The following TRPM3 variants were observed in gnomAD, a reference collection of about 807,000 sequenced individuals.
The protein encoded by TRPM3 is long transient receptor potential channel 3.
TRPM3 carries 77 observed loss-of-function variants against 181.2 expected under a neutral mutation model. The ratio of observed to expected loss-of-function variants is 0.42; its 90% confidence interval spans 0.35 to 0.51. TRPM3 has a LOEUF of 0.51. TRPM3 is among the 20% of genes least tolerant of loss of function. The pLI is 0.01. For missense variants in TRPM3, 1,759 were observed against 2,196.7 expected, an observed-to-expected ratio of 0.80 and a Z score of 3.98; for synonymous variants, 745 against 796.4, an observed-to-expected ratio of 0.94 and a Z score of 1.09.
intron 1 of TRPM3, among the ~76,000 whole-genome samples, chr9:71,190,144 C>A (rs536564099): frequency 8.0e-4 from 122 of 151,932 alleles, no homozygotes; most frequent in Non-Finnish European, 1.5e-3. Flanking sequence ...GTGGTGTTGA[C>A]AGCTTAATAT....
intron 1 of TRPM3, among the ~76,000 whole-genome samples, chr9:71,371,225 C>G (rs1247128322): frequency 6.6e-6 from 1 of 152,136 alleles, no homozygotes; most frequent in Non-Finnish European, 1.5e-5. Flanking sequence ...TCTTCACTTT[C>G]AAATCTTATT....
Position 70,536,134 on chromosome 9 carries a change from G to A in TRPM3, c.4979C>T (p.Ala1660Val), listed in dbSNP as rs1244867044. The A allele has an allele frequency of 6.2e-7, 1 of 1,614,202 alleles. No homozygotes were observed. ...GATGGAGAAGCTCTTCCTGGTGTGT[G>A]CATATGGCGCACTTGGCTCCTCTGC... ...YSAEEPSAPY[A>V]HTRKSFSISD... Residue 1660 changes from alanine to valine, a missense_variant, in exon 26 of 26, where the codon GCA (alanine) becomes GTA (valine). Physicochemically the swap from Ala to Val is moderately conservative, Grantham distance 64. This residue lies in a region of TRPM3 where 612 missense variants were observed against 590.0 expected (regional missense o/e 1.04). Transcript: ENST00000677713.
At chr9:71,322,347 C>T (rs117011843) in intron 1 of TRPM3, among the ~76,000 whole-genome samples, 4 of 152,162 alleles carry the variant, frequency 2.6e-5, no homozygotes, top group Non-Finnish European at 2.9e-5. Flanking sequence ...TTCATCCAGA[C>T]GATGATACCA....
chr9:71,215,472 G>GGAT (rs1191044081), intron 1 of TRPM3, among the ~76,000 whole-genome samples: 2 of 152,156 alleles, frequency 1.3e-5, no homozygotes, highest in African/African-American at 4.8e-5. Flanking sequence ...AGGATCCATT[G>GGAT]GATGGATTAC....
intron 1 of TRPM3, among the ~76,000 whole-genome samples, chr9:71,040,565 C>T (rs1057085674): frequency 1.3e-5 from 2 of 152,152 alleles, no homozygotes; most frequent in Non-Finnish European, 2.9e-5. Flanking sequence ...GAATTAAAAA[C>T]ATCAGCATTT....
At chr9:71,224,927 A>C (rs2080491979) in intron 1 of TRPM3, among the ~76,000 whole-genome samples, 1 of 152,194 alleles carries the variant, frequency 6.6e-6, no homozygotes, top group Non-Finnish European at 1.5e-5. Flanking sequence ...CAGAGGAGAC[A>C]AAAGAAAAAA....
intron 1 of TRPM3, among the ~76,000 whole-genome samples, chr9:70,868,706 A>G (rs2095712774): frequency 1.3e-5 from 2 of 152,002 alleles, no homozygotes; most frequent in African/African-American, 4.8e-5. Flanking sequence ...AACCACTCAG[A>G]CCAGTATTTG....
intron 3 of TRPM3, among the ~76,000 whole-genome samples, chr9:70,857,039 T>C (rs1183925417): frequency 1.3e-5 from 2 of 152,188 alleles, no homozygotes; most frequent in Admixed American, 1.3e-4. Context: ...GTCCATCTTC[T>C]TGTTGCTCTG....
chr9:71,253,451 A>G (rs2082477504), intron 1 of TRPM3, among the ~76,000 whole-genome samples: 1 of 152,198 alleles, frequency 6.6e-6, no homozygotes, highest in Admixed American at 6.5e-5. Context: ...GCTGCTAACC[A>G]TCATAACACC....
intron 16 of TRPM3, among the ~76,000 whole-genome samples, chr9:70,619,673 C>A (rs1221058401): frequency 1.3e-5 from 2 of 151,960 alleles, no homozygotes; most frequent in African/African-American, 4.8e-5. Flanking sequence ...CCTCAGCCTC[C>A]CAAAGTGCTG....
intron 1 of TRPM3, among the ~76,000 whole-genome samples, chr9:71,361,323 C>A (rs2132726764): frequency 6.6e-6 from 1 of 152,266 alleles, no homozygotes; most frequent in Non-Finnish European, 1.5e-5. Context: ...CACTAAATAC[C>A]TCTCTGTGCT....
At chr9:71,197,087 T>C (rs1280577695) in intron 1 of TRPM3, among the ~76,000 whole-genome samples, 1 of 152,190 alleles carries the variant, frequency 6.6e-6, no homozygotes, top group Non-Finnish European at 1.5e-5. Flanking sequence ...GTTCTCATTG[T>C]TCAATTCCCA....
chr9:71,378,163 G>A (rs1199958126), intron 1 of TRPM3, among the ~76,000 whole-genome samples: 1 of 151,924 alleles, frequency 6.6e-6, no homozygotes, highest in Non-Finnish European at 1.5e-5. Flanking sequence ...TTTGAAACAG[G>A]CACTTTGAAA....
intron 1 of TRPM3, among the ~76,000 whole-genome samples, chr9:71,007,640 T>C (rs950926849): frequency 6.6e-6 from 1 of 152,078 alleles, no homozygotes; most frequent in East Asian, 1.9e-4. Context: ...CTGAAGAAAT[T>C]TAATAGTAAA....
intron 1 of TRPM3, among the ~76,000 whole-genome samples, chr9:70,978,009 G>A (rs2097323747): frequency 6.6e-6 from 1 of 152,148 alleles, no homozygotes; most frequent in Non-Finnish European, 1.5e-5. Context: ...CCCCTCCCCA[G>A]AGGTTGAGGA....
chr9:71,152,645 C>A (rs2075792805), intron 1 of TRPM3, among the ~76,000 whole-genome samples: 1 of 152,144 alleles, frequency 6.6e-6, no homozygotes. Context: ...CCTAGCCTTA[C>A]TGCTGCCTAA....
At chr9:70,604,896 T>C (rs2060730947) in intron 19 of TRPM3, among the ~76,000 whole-genome samples, 1 of 150,744 alleles carries the variant, frequency 6.6e-6, no homozygotes, top group South Asian at 2.1e-4. Flanking sequence ...GATCCTCCTA[T>C]CTATCTTGGC....
chr9:71,253,182 C>T (rs1279120599), intron 1 of TRPM3, among the ~76,000 whole-genome samples: 2 of 152,100 alleles, frequency 1.3e-5, no homozygotes, highest in Non-Finnish European at 2.9e-5. Flanking sequence ...TTTCACATTT[C>T]TCACAGATGA....
At chr9:70,669,896 C>G (rs1365179352) in intron 9 of TRPM3, among the ~76,000 whole-genome samples, 1 of 151,894 alleles carries the variant, frequency 6.6e-6, no homozygotes, top group Non-Finnish European at 1.5e-5. Context: ...ACCACTATGC[C>G]TGGATATTTA....
Sources: allele counts gnomAD v4.1 joint callset (sites outside exome capture counted in the v4.1 genomes callset), GRCh38; gene constraint gnomAD v4.1.1; regional missense constraint gnomAD v4.1.1; transcripts MANE v1.5; gene names NCBI Gene and HGNC (gene_info 2026-07-23, HGNC 2026-07-21).